Variants in FHIT observed in about 807,000 individuals in gnomAD.
FHIT encodes fragile histidine triad diadenosine triphosphatase, also known as bis(5'-adenosyl)-triphosphatase.
In FHIT, 19 loss-of-function variants were observed where a neutral mutation model predicts 17.9. The ratio of observed to expected loss-of-function variants is 1.06; its 90% CI spans 0.74 to 1.56. The LOEUF is 1.56. FHIT is among the 40% of genes most tolerant of loss of function. The pLI is 0.00. For synonymous variants in FHIT, 81 were observed against 69.7 expected (o/e 1.16, Z -0.81); for missense variants, 248 against 189.2 (o/e 1.31, Z -1.82).
chr3:60,211,710 G>A (rs1421623052), intron 5 of FHIT, among the ~76,000 whole-genome samples: 1 of 152,134 alleles, frequency 6.6e-6, no homozygotes. Context: ...GTATCATTAA[G>A]TGCTGAGGTT....
intron 5 of FHIT, among the ~76,000 whole-genome samples, chr3:60,279,329 C>T (rs1261816678): frequency 6.6e-6 from 1 of 152,060 alleles, no homozygotes; most frequent in Non-Finnish European, 1.5e-5. Flanking sequence ...ACTACCAAAA[C>T]TCACAAAAAG....
intron 1 of FHIT, among the ~76,000 whole-genome samples, chr3:61,214,706 A>G (rs1177217704): frequency 6.6e-6 from 1 of 152,230 alleles, no homozygotes; most frequent in Non-Finnish European, 1.5e-5. Context: ...CACAACCAAA[A>G]GAGAGAATTT....
At chr3:60,247,406 AAAG>A (rs1179397816) in intron 5 of FHIT, among the ~76,000 whole-genome samples, 3 of 151,624 alleles carry the variant, frequency 2.0e-5, no homozygotes, top group Non-Finnish European at 2.9e-5. Context: ...AAGAAGAAAG[AAAG>A]AAGAAGGAAG....
intron 5 of FHIT, among the ~76,000 whole-genome samples, chr3:60,068,110 C>T (rs532283990): frequency 6.6e-6 from 1 of 152,216 alleles, no homozygotes; most frequent in South Asian, 2.1e-4. Context: ...ATGGCACACA[C>T]CTGTAACCCC....
chr3:59,838,411 A>T (rs568995376), intron 8 of FHIT, among the ~76,000 whole-genome samples: 1 of 151,420 alleles, frequency 6.6e-6, no homozygotes, highest in Non-Finnish European at 1.5e-5. Flanking sequence ...TTATTCCCTC[A>T]CCCCCAGCTA....
At chr3:60,726,744 A>C (rs2041923800) in intron 4 of FHIT, among the ~76,000 whole-genome samples, 1 of 152,216 alleles carries the variant, frequency 6.6e-6, no homozygotes, top group African/African-American at 2.4e-5. Context: ...AAGGCATATG[A>C]AGTAAGTACT....
intron 8 of FHIT, among the ~76,000 whole-genome samples, chr3:59,756,166 T>C (rs1350206548): frequency 2.0e-5 from 3 of 152,160 alleles, no homozygotes; most frequent in East Asian, 1.9e-4. Flanking sequence ...GGAGTAAAAG[T>C]ATTTTTCATC....
At chr3:60,371,688 C>G (rs1480620066) in intron 5 of FHIT, among the ~76,000 whole-genome samples, 1 of 152,118 alleles carries the variant, frequency 6.6e-6, no homozygotes, top group South Asian at 2.1e-4. Flanking sequence ...AATCTATTTC[C>G]AAAGCACATT....
chr3:60,385,668 C>G (rs973591755), intron 5 of FHIT, among the ~76,000 whole-genome samples: 1 of 152,210 alleles, frequency 6.6e-6, no homozygotes, highest in Non-Finnish European at 1.5e-5. Context: ...CAGCCTTGAT[C>G]TCCCAGGCTC....
intron 5 of FHIT, among the ~76,000 whole-genome samples, chr3:60,528,767 T>C (rs2035666161): frequency 6.6e-6 from 1 of 152,202 alleles, no homozygotes; most frequent in Non-Finnish European, 1.5e-5. Flanking sequence ...AATACACAAG[T>C]ATTACTTATT....
At chr3:60,846,256 T>C (rs577777241) in intron 3 of FHIT, among the ~76,000 whole-genome samples, 4 of 152,318 alleles carry the variant, frequency 2.6e-5, no homozygotes, top group African/African-American at 2.4e-5. Context: ...TATTATATAT[T>C]TGTAAATGAT....
At chr3:60,938,541 C>A (rs1708286758) in intron 3 of FHIT, among the ~76,000 whole-genome samples, 3 of 152,200 alleles carry the variant, frequency 2.0e-5, no homozygotes, top group Admixed American at 1.3e-4. Context: ...ACATTCATTC[C>A]CTTCCTGTAA....
At chr3:60,070,146 C>T (rs1011863197) in intron 5 of FHIT, among the ~76,000 whole-genome samples, 4 of 152,134 alleles carry the variant, frequency 2.6e-5, no homozygotes, top group African/African-American at 9.7e-5. Context: ...CTCAGGATCA[C>T]CTGGAGTGCC....
chr3:61,084,934 T>A (rs1036177379), intron 2 of FHIT, among the ~76,000 whole-genome samples: 2 of 152,210 alleles, frequency 1.3e-5, no homozygotes, highest in Non-Finnish European at 2.9e-5. Context: ...ATTCTTTCAC[T>A]TCACATAATA....
At chr3:60,307,339 T>C (rs1164551899) in intron 5 of FHIT, among the ~76,000 whole-genome samples, 7 of 152,244 alleles carry the variant, frequency 4.6e-5, no homozygotes, top group Admixed American at 2.6e-4. Flanking sequence ...CTAATTCCAA[T>C]AGACAAGATT....
Position 60,311,188 on chromosome 3 carries a change from C to G in FHIT, c.103+225672G>C, listed in dbSNP as rs180850522. On this transcript the variant is annotated intron_variant, in intron 5 of 9. Coordinates refer to ENST00000492590, the MANE Select transcript of FHIT (RefSeq NM_002012.4). ...AAGTCTCCTTTAACCTCAAACATTA[C>G]TTTGTCTTTCTGTTTTCTTTTTTAA... is the stretch of plus-strand genomic sequence containing the variant. 4.0e-3 allele frequency among the ~76,000 whole-genome samples: 605 copies of G among 151,840 alleles called. 5 individuals carry two copies. Among genetic ancestry groups the G allele is most frequent in the Non-Finnish European group, 5.7e-3 (390 of 67,968 alleles).
At chr3:60,414,960 TC>T (rs1266053520) in intron 5 of FHIT, among the ~76,000 whole-genome samples, 2 of 152,132 alleles carry the variant, frequency 1.3e-5, no homozygotes, top group East Asian at 3.9e-4. Flanking sequence ...ACTTTAGTCT[TC>T]CCCCAAATCA....
rs6781179 is a variant in FHIT, at chr3:60,490,459, C to T, written c.103+46401G>A. The stretch of plus-strand genomic sequence containing the variant: ...ATATAACAACCTATTATTTATTTAC[C>T]ATAATTATCTCCATTTTACAAAAGT... On this transcript the variant is annotated intron_variant, in intron 5 of 9. Transcript: ENST00000492590. Among the ~76,000 whole-genome samples the T allele has an allele frequency of 2.0e-3, 297 of 151,744 alleles. 1 individual carries two copies. Among genetic ancestry groups the T allele is most frequent in the African/African-American group, 6.9e-3 (287 of 41,386 alleles).
intron 5 of FHIT, among the ~76,000 whole-genome samples, chr3:60,390,396 T>TAAAAAAAAAAAAAAAAAAAAAAAAAAA (rs869078939): frequency 2.2e-4 from 7 of 32,028 alleles, no homozygotes; most frequent in African/African-American, 8.5e-4. Context: ...GTAATGGAGC[T>TAAAAAAAAAAAAAAAAAAAAAAAAAAA]AAAAAAAAAA....
Sources: allele counts gnomAD v4.1 joint callset (sites outside exome capture counted in the v4.1 genomes callset), GRCh38; gene constraint gnomAD v4.1.1; transcripts MANE v1.5; gene names NCBI Gene and HGNC (gene_info 2026-07-23, HGNC 2026-07-21).